The following IKZF3 variants were observed in gnomAD, a reference collection of about 807,000 sequenced individuals.
IKZF3 encodes the protein zinc finger protein Aiolos.
Under a neutral mutation model 49.0 loss-of-function variants are expected in IKZF3, and 10 were observed. That is an observed-to-expected ratio of 0.20 (90% CI 0.13 to 0.35). The LOEUF (loss-of-function observed/expected upper bound fraction) is 0.35, where lower values mean the gene tolerates loss of function less well. IKZF3 is among the 10% of genes least tolerant of loss of function. The pLI is 1.00. For missense variants in IKZF3, 498 were observed against 664.8 expected, an observed-to-expected ratio of 0.75 and a Z score of 2.76; for synonymous variants, 209 against 228.2, an observed-to-expected ratio of 0.92 and a Z score of 0.76.
intron 1 of IKZF3, among the ~76,000 whole-genome samples, chr17:39,845,809 T>C (rs562354863): frequency 3.3e-5 from 5 of 152,270 alleles, no homozygotes; most frequent in South Asian, 2.1e-4. Flanking sequence ...ATCAAAGAAA[T>C]AAAACATTTA....
intron 3 of IKZF3, among the ~76,000 whole-genome samples, chr17:39,802,208 TGA>T (rs1451075368): frequency 4.0e-5 from 4 of 98,838 alleles, no homozygotes; most frequent in African/African-American, 1.7e-4. Flanking sequence ...GGTGACAGAG[TGA>T]GACTCCATCT....
intron 3 of IKZF3, among the ~76,000 whole-genome samples, chr17:39,816,447 C>T (rs888038683): frequency 1.6e-4 from 25 of 152,142 alleles, no homozygotes; most frequent in African/African-American, 5.6e-4. Flanking sequence ...AACCCACTGC[C>T]TATTTTTGTA....
intron 3 of IKZF3, among the ~76,000 whole-genome samples, chr17:39,802,718 G>A (rs1187249445): frequency 6.6e-6 from 1 of 151,530 alleles, no homozygotes; most frequent in African/African-American, 2.4e-5. Flanking sequence ...TACTCAAGAG[G>A]CTGAGAAGGG....
intron 1 of IKZF3, among the ~76,000 whole-genome samples, chr17:39,857,246 T>C (rs905367994): frequency 4.6e-5 from 7 of 152,192 alleles, no homozygotes; most frequent in Admixed American, 1.3e-4. Flanking sequence ...TCCATATCCA[T>C]AAAAATGTTA....
Position 39,765,548 on chromosome 17 carries a change from A to G in IKZF3, c.*242T>C, listed in dbSNP as rs1250078537. 8.9e-6 allele frequency: 4 copies of G among 451,668 alleles called. No homozygotes were observed. The highest frequency in any genetic ancestry group is 1.6e-5 in the Non-Finnish European group (4 of 253,478). The allele number at this position is 451,668 out of a possible 1,614,324, so 28.0% of individuals were successfully genotyped here. A position where few individuals can be genotyped will look rare whatever the true frequency, so the allele number is the denominator to read the frequency against. On this transcript the variant is annotated 3_prime_UTR_variant, in exon 8 of 8. Coordinates refer to ENST00000346872, the MANE Select transcript of IKZF3 (RefSeq NM_012481.5). ...GACCAAATACCTTTTTGGCTTTTAA[A>G]TTCCATAAAATTCAAGTCCCTGATG...
chr17:39,772,263 G>GT (rs2060463915), intron 7 of IKZF3, among the ~76,000 whole-genome samples: 1 of 152,082 alleles, frequency 6.6e-6, no homozygotes, highest in Non-Finnish European at 1.5e-5. Flanking sequence ...CCATTGAAAG[G>GT]TTTTTTTGAA....
At chr17:39,858,841 C>T (rs2144586783) in intron 1 of IKZF3, among the ~76,000 whole-genome samples, 1 of 152,104 alleles carries the variant, frequency 6.6e-6, no homozygotes, top group African/African-American at 2.4e-5. Flanking sequence ...CACTCTGTTG[C>T]CCAAGCTGGA....
At chr17:39,839,584 CTTTATT>C in intron 1 of IKZF3, 3 of 466,370 alleles carry the variant, frequency 6.4e-6, no homozygotes, top group Admixed American at 3.1e-5. Flanking sequence ...AGGACTGTTT[CTTTATT>C]TTTATTTTTT....
At chr17:39,855,625 T>C (rs2063016810) in intron 1 of IKZF3, among the ~76,000 whole-genome samples, 1 of 152,218 alleles carries the variant, frequency 6.6e-6, no homozygotes, top group Non-Finnish European at 1.5e-5. Flanking sequence ...AAGCTGTTAC[T>C]TGTTTGTGCA....
chr17:39,852,948 G>A (rs920055325), intron 1 of IKZF3, among the ~76,000 whole-genome samples: 8 of 152,052 alleles, frequency 5.3e-5, no homozygotes, highest in African/African-American at 1.9e-4. Context: ...TCCAGCCTGG[G>A]TGACAGAGTG....
At chr17:39,860,853 A>T (rs2063196277) in intron 1 of IKZF3, among the ~76,000 whole-genome samples, 1 of 152,214 alleles carries the variant, frequency 6.6e-6, no homozygotes, top group Non-Finnish European at 1.5e-5. Context: ...AAACCTGCAC[A>T]TGTACCCCCT....
intron 7 of IKZF3, among the ~76,000 whole-genome samples, chr17:39,769,498 C>T (rs1376936608): frequency 6.6e-6 from 1 of 152,120 alleles, no homozygotes; most frequent in Admixed American, 6.6e-5. Flanking sequence ...AGACCTTGGC[C>T]AAAGTAATCA....
intron 1 of IKZF3, among the ~76,000 whole-genome samples, chr17:39,840,606 A>G (rs1011338820): frequency 2.6e-5 from 4 of 152,214 alleles, no homozygotes; most frequent in Non-Finnish European, 1.5e-5. Context: ...TCATATTCCA[A>G]TTTTTAGTTT....
rs547079184 is a variant in IKZF3 at position 39,822,323 on chromosome 17, C to A, written c.163+7064G>T. Reference sequence around the variant, plus strand: ...CATAATCCCATGTCATAGGAGGGACCCAGTGGGAGGTAAATGAATCATGGA... The same window carrying A: ...CATAATCCCATGTCATAGGAGGGACACAGTGGGAGGTAAATGAATCATGGA... On this transcript the variant is annotated intron_variant, in intron 3 of 7. Coordinates refer to ENST00000346872, the MANE Select transcript of IKZF3 (RefSeq NM_012481.5). Among the ~76,000 whole-genome samples the A allele has an allele frequency of 3.3e-5, 5 of 152,176 alleles. No individual in the cohort carries two copies. The South Asian group carries it at 1.0e-3, about 32-fold the overall frequency.
intron 3 of IKZF3, among the ~76,000 whole-genome samples, chr17:39,814,094 G>C (rs2061624565): frequency 6.6e-6 from 1 of 152,118 alleles, no homozygotes; most frequent in Admixed American, 6.5e-5. Context: ...CCAAAGAGTT[G>C]TACACCTCAA....
chr17:39,791,610 T>G (rs1188960336), intron 4 of IKZF3, 27 bp from the exon 5 acceptor site: 1 of 1,612,080 alleles, frequency 6.2e-7, no homozygotes, highest in Non-Finnish European at 8.5e-7. Context: ...AAAGGAGATT[T>G]CTGGTCACAG....
chr17:39,827,179 GT>G (rs2061979712), intron 3 of IKZF3, among the ~76,000 whole-genome samples: 1 of 151,460 alleles, frequency 6.6e-6, no homozygotes, highest in Admixed American at 6.6e-5. Flanking sequence ...TGTATTTTTA[GT>G]AGAGATGGGG....
At chr17:39,810,605 T>C (rs2061528641) in intron 3 of IKZF3, among the ~76,000 whole-genome samples, 1 of 148,802 alleles carries the variant, frequency 6.7e-6, no homozygotes, top group Admixed American at 6.7e-5. Context: ...TCCCATTATA[T>C]GTATCTGCAG....
chr17:39,782,126 T>C (rs1481166174), intron 6 of IKZF3, among the ~76,000 whole-genome samples: 1 of 152,194 alleles, frequency 6.6e-6, no homozygotes, highest in Non-Finnish European at 1.5e-5. Context: ...TGTTTTCTAG[T>C]TGATAAGTTA....
Sources: gnomAD v4.1 joint callset for allele counts (sites outside exome capture counted in the v4.1 genomes callset) on GRCh38, gnomAD v4.1.1 for gene constraint, MANE v1.5 for transcripts, NCBI Gene and HGNC (gene_info 2026-07-23, HGNC 2026-07-21) for gene names.